CNTNAP1: variants seen among roughly 807,000 people sequenced by gnomAD.
The protein encoded by CNTNAP1 is contactin associated protein 1.
A neutral mutation model predicts 161.5 loss-of-function variants in CNTNAP1; 80 were observed. The ratio of observed to expected loss-of-function variants is 0.50; its 90% CI spans 0.41 to 0.60. The LOEUF (loss-of-function observed/expected upper bound fraction) is 0.60, where lower values mean the gene tolerates loss of function less well. CNTNAP1 is among the 20% of genes least tolerant of loss of function. CNTNAP1 has a pLI of 0.00. For missense variants in CNTNAP1, 1,464 were observed against 1,854.8 expected, an observed-to-expected ratio of 0.79 and a Z score of 3.87; for synonymous variants, 695 against 733.1, an observed-to-expected ratio of 0.95 and a Z score of 0.84.
At position 42,697,579 on chromosome 17, in the gene CNTNAP1, C is replaced by G; in HGVS notation, c.3594C>G (p.Ile1198Met). 1 of 1,614,072 alleles carries G rather than the reference C, an allele frequency of 6.2e-7. No homozygotes were observed. The highest frequency in any genetic ancestry group is 8.5e-7 in the Non-Finnish European group (1 of 1,179,994). Residue 1198 changes from isoleucine (I) to methionine (M), a missense_variant, in exon 22 of 24, where the codon ATC becomes ATG. Physicochemically the swap from Ile to Met is conservative, Grantham distance 10. Transcript: ENST00000264638. ...AGACAGGAGTCATTGACCCGGAGAT[C>G]CAGCGCTACAACACCCCAGGTTTCT... ...VMETGVIDPEIQRYNTPGFSG... is the reference protein window; with the variant it reads ...VMETGVIDPEMQRYNTPGFSG...
intron 12 of CNTNAP1, 27 bp from the exon 13 acceptor site, chr17:42,690,712 A>G: frequency 6.2e-7 from 1 of 1,604,958 alleles, no homozygotes; most frequent in Non-Finnish European, 8.5e-7. Flanking sequence ...AACTCCAGCC[A>G]AAGCTCTGTC....
intron 6 of CNTNAP1, among the ~76,000 whole-genome samples, chr17:42,686,654 C>T (rs761149992): frequency 3.3e-5 from 5 of 152,226 alleles, no homozygotes; most frequent in Non-Finnish European, 7.3e-5. Flanking sequence ...CTGACCCCAT[C>T]TGCAGATAAG....
At position 42,691,897 on chromosome 17, in the gene CNTNAP1, CT is replaced by C; in HGVS notation, c.2438del (p.Phe813SerfsTer11). On this transcript the variant is annotated frameshift_variant, in exon 16 of 24. Transcript: ENST00000264638. LOFTEE classifies it high-confidence loss of function. The surrounding 1 kb of genome is among the most constrained non-coding windows in gnomAD (Gnocchi z 4.3). ...ACCACAGCCTGGATGTCTCCTTCTA[CT>C]TCAGGACCTCTGCTCCCTCGGGGGT... ...ANHSLDVSFY[F>X]RTSAPSGVFL... The C allele has an allele frequency of 6.2e-7, 1 of 1,614,190 alleles. No individual in the cohort carries two copies. Among genetic ancestry groups the C allele is most frequent in the Non-Finnish European group, 8.5e-7 (1 of 1,180,022 alleles).
intron 20 of CNTNAP1, among the ~76,000 whole-genome samples, chr17:42,696,622 C>T (rs189580810): frequency 6.5e-4 from 99 of 152,160 alleles, no homozygotes; most frequent in Non-Finnish European, 8.8e-5. Context: ...CGCGCCCAGC[C>T]AGACAATAGG....
At chr17:42,695,919 G>C in intron 19 of CNTNAP1, 45 bp downstream of exon 19, 1 of 1,597,420 alleles carries the variant, frequency 6.3e-7, no homozygotes, top group Non-Finnish European at 8.6e-7. Context: ...CTTCACCCCG[G>C]TGCCCCTAAT....
Position 42,687,256 on chromosome 17 carries a change from C to A in CNTNAP1, c.1044+210C>A. On this transcript the variant is annotated intron_variant, in intron 7 of 23. Coordinates refer to ENST00000264638, the MANE Select transcript of CNTNAP1 (RefSeq NM_003632.3). This position sits in a 1 kb window ranked among gnomAD's most constrained non-coding sequence, Gnocchi z 4.7. The stretch of plus-strand genomic sequence containing the variant: ...AAGAAGCAGTGGTCGGGTCCAATCA[C>A]CTTCTTAGTTCATAGATGAAGAAAG... 1 of 609,174 alleles carries A rather than the reference C, an allele frequency of 1.6e-6. No individual in the cohort carries two copies. Among genetic ancestry groups the A allele is most frequent in the Non-Finnish European group, 2.8e-6 (1 of 358,592 alleles). The allele number at this position is 609,174 out of a possible 1,614,324, so 37.7% of individuals were successfully genotyped here. A position where few individuals can be genotyped will look rare whatever the true frequency, so the allele number is the denominator to read the frequency against.
chr17:42,684,751 C>T (rs533649432), intron 3 of CNTNAP1, among the ~76,000 whole-genome samples: 10 of 151,824 alleles, frequency 6.6e-5, no homozygotes, highest in Admixed American at 1.3e-4. Flanking sequence ...TGGTGAAACC[C>T]CGTCTCTATG....
In CNTNAP1 at chr17:42,684,363, G is replaced by T. The variant is rs947597608; in HGVS notation, c.363+134G>T. The T allele has an allele frequency of 1.4e-4, 110 of 806,218 alleles. 3 individuals are homozygous for T. The South Asian group carries it at 1.7e-3, about 12-fold the overall frequency. The allele number at this position is 806,218 out of a possible 1,614,324, so 49.9% of individuals were successfully genotyped here. A position where few individuals can be genotyped will look rare whatever the true frequency, so the allele number is the denominator to read the frequency against. ...CAAGGAGCAGTGACTCCACTCCAGG[G>T]ACTCTGTCCAGAGGGACTGTCAGCT... On this transcript the variant is annotated intron_variant, in intron 3 of 23. Coordinates refer to ENST00000264638, the MANE Select transcript of CNTNAP1 (RefSeq NM_003632.3).
At chr17:42,692,014 G>T (rs1422369377) in intron 16 of CNTNAP1, 23 bp downstream of exon 16, 1 of 1,609,096 alleles carries the variant, frequency 6.2e-7, no homozygotes, top group East Asian at 2.2e-5. Flanking sequence ...ACTGTGGGAG[G>T]GCCTCGGGGT....
At chr17:42,683,447 G>A in intron 1 of CNTNAP1, 2 of 1,102,742 alleles carry the variant, frequency 1.8e-6, no homozygotes, top group South Asian at 2.8e-5. Context: ...TTTGGGGGCC[G>A]AGTTGGATTG....
In CNTNAP1 at chr17:42,687,648, T is replaced by A; in HGVS notation, c.1045-72T>A. The stretch of plus-strand genomic sequence containing the variant: ...GGCGGTGACCAGGGTCTTAGACCGG[T>A]GTGAAAACTGAATTCCCAGCTGAGG... On this transcript the variant is annotated intron_variant, in intron 7 of 23. Transcript: ENST00000264638. This position sits in a 1 kb window ranked among gnomAD's most constrained non-coding sequence, Gnocchi z 4.7. 1 of 1,567,998 alleles carries A rather than the reference T, an allele frequency of 6.4e-7. No homozygotes were observed. The highest frequency in any genetic ancestry group is 8.7e-7 in the Non-Finnish European group (1 of 1,152,636).
chr17:42,684,362 G>A (rs2052978252), intron 3 of CNTNAP1, 133 bp downstream of exon 3: 12 of 811,548 alleles, frequency 1.5e-5, no homozygotes, highest in South Asian at 1.6e-5. Flanking sequence ...TCCACTCCAG[G>A]GACTCTGTCC....
At position 42,697,929 on chromosome 17, in the gene CNTNAP1, T is replaced by C. The variant is rs150329319; in HGVS notation, c.3841T>C (p.Trp1281Arg). Residue 1281 changes from tryptophan to arginine, a missense_variant, in exon 23 of 24, where the codon TGG becomes CGG. Coordinates refer to ENST00000264638, the MANE Select transcript of CNTNAP1 (RefSeq NM_003632.3). ...PDFPYYHDEG[W>R]VAILLGFLVA... ...CTTCCCCTACTACCATGATGAAGGA[T>C]GGGTTGCCATACTTTTAGGCTGTGA... The C allele has an allele frequency of 1.2e-4, 186 of 1,614,038 alleles. No individual in the cohort carries two copies. The highest frequency in any genetic ancestry group is 1.5e-4 in the Non-Finnish European group (176 of 1,180,014).
At chr17:42,697,136 G>C (rs979618619) in intron 20 of CNTNAP1, 138 bp from the exon 21 acceptor site, 42 of 692,866 alleles carry the variant, frequency 6.1e-5, no homozygotes, top group Middle Eastern at 3.9e-4. Context: ...GGCACCGCCA[G>C]TTTGGACAGA....
Position 42,693,492 on chromosome 17 carries a change from G to A in CNTNAP1, c.2948G>A (p.Cys983Tyr). ...GTGGAGCGCTATAGCTACTACACGT[G>A]TGACTGTGACCTCACGGCTTTTGAT... ...RCVERYSYYT[C>Y]DCDLTAFDGP... The change falls in exon 18 of 24, where the codon TGT becomes TAT. Residue 983 changes from cysteine (C) to tyrosine (Y), a missense_variant. Transcript: ENST00000264638. The A allele has an allele frequency of 1.2e-6, 2 of 1,614,220 alleles. No homozygotes were observed. The highest frequency in any genetic ancestry group is 1.7e-6 in the Non-Finnish European group (2 of 1,180,034).
At position 42,699,035 on chromosome 17, in the gene CNTNAP1, TCCC is replaced by T. The variant is rs957895889; in HGVS notation, c.*132_*134del. The T allele has an allele frequency of 1.1e-5, 7 of 615,538 alleles. No homozygotes were observed. Among genetic ancestry groups the T allele is most frequent in the Non-Finnish European group, 1.7e-5 (7 of 404,384 alleles). 38.1% of individuals were successfully genotyped at this position (615,538 alleles called of 1,614,324 possible). A position where few individuals can be genotyped will look rare whatever the true frequency, so the allele number is the denominator to read the frequency against. On this transcript the variant is annotated 3_prime_UTR_variant, in exon 24 of 24. Coordinates refer to ENST00000264638, the MANE Select transcript of CNTNAP1 (RefSeq NM_003632.3). ...TGCTCATCCAGAGGATATTCCCCCA[TCCC>T]CCCCCCATCAAGTTTGGTGGGCAGA... is the stretch of plus-strand genomic sequence containing the variant.
chr17:42,691,688 C>G lies in CNTNAP1; in HGVS notation c.2345-118C>G. On this transcript the variant is annotated intron_variant, in intron 15 of 23. Coordinates refer to ENST00000264638, the MANE Select transcript of CNTNAP1 (RefSeq NM_003632.3). The surrounding 1 kb of genome is among the most constrained non-coding windows in gnomAD (Gnocchi z 4.3). Reference sequence around the variant, plus strand: ...TCTTTCATTCCACTCCTTAGTCTCCCCTCCGTCACCTCAAACCCTCCCCCT... The same window carrying G: ...TCTTTCATTCCACTCCTTAGTCTCCGCTCCGTCACCTCAAACCCTCCCCCT... The G allele has an allele frequency of 7.5e-7, 1 of 1,336,644 alleles. No individual in the cohort carries two copies. The highest frequency in any genetic ancestry group is 1.1e-6 in the Non-Finnish European group (1 of 949,212). The allele number at this position is 1,336,644 out of a possible 1,614,324, so 82.8% of individuals were successfully genotyped here. A position where few individuals can be genotyped will look rare whatever the true frequency, so the allele number is the denominator to read the frequency against.
chr17:42,689,635 A>G lies in CNTNAP1; in HGVS notation c.1735+8A>G, dbSNP rs2053059918. 16 of 1,610,854 alleles carry G rather than the reference A, an allele frequency of 9.9e-6. No homozygotes were observed. In the African/African-American group the frequency reaches 1.3e-4, roughly 13 times the overall value. On this transcript the variant is annotated splice_region_variant and intron_variant, in intron 11 of 23. Coordinates refer to ENST00000264638, the MANE Select transcript of CNTNAP1 (RefSeq NM_003632.3). The stretch of plus-strand genomic sequence containing the variant: ...GAGAGACCTGCCACACACGTAAGCC[A>G]GATGTGGTATGGGGGGAGTCAGGGA...
At chr17:42,693,595 G>A (rs2053119641) in intron 18 of CNTNAP1, 59 bp downstream of exon 18, 2 of 1,582,928 alleles carry the variant, frequency 1.3e-6, no homozygotes, top group Admixed American at 1.7e-5. Flanking sequence ...GATGTAGGGA[G>A]GGCAGGGAAG....
Sources: allele counts gnomAD v4.1 joint callset (sites outside exome capture counted in the v4.1 genomes callset), GRCh38; gene constraint gnomAD v4.1.1; non-coding constraint Gnocchi (gnomAD v3.1); transcripts MANE v1.5; gene names NCBI Gene and HGNC (gene_info 2026-07-23, HGNC 2026-07-21).